Variants in SPAG16 observed in about 807,000 individuals in gnomAD.
SPAG16 encodes the protein sperm-associated antigen 16 protein.
In SPAG16, 86 loss-of-function variants were observed where a neutral mutation model predicts 80.4. That is an observed-to-expected ratio of 1.07 (90% confidence interval 0.90 to 1.28). SPAG16 has a LOEUF of 1.28. Among genes scored for constraint, SPAG16 ranks in the 50% most tolerant of loss-of-function variants. The pLI, the probability that SPAG16 is intolerant of heterozygous loss-of-function variation, is 0.00. For missense variants in SPAG16, 870 were observed against 765.3 expected (o/e 1.14, Z -1.61); for synonymous variants, 294 against 265.9 (o/e 1.11, Z -1.03).
intron 15 of SPAG16, among the ~76,000 whole-genome samples, chr2:214,372,237 C>T (rs1438431650): frequency 3.3e-5 from 5 of 152,102 alleles, no homozygotes. Context: ...TATTATGTTT[C>T]GTCTCTATTA....
At chr2:214,054,395 A>G (rs188582160) in intron 13 of SPAG16, among the ~76,000 whole-genome samples, 3 of 152,346 alleles carry the variant, frequency 2.0e-5, no homozygotes, top group Admixed American at 2.0e-4. Flanking sequence ...GAGAGCGTTC[A>G]TAATTCAAGC....
At chr2:213,515,519 A>G (rs1559210628) in intron 10 of SPAG16, among the ~76,000 whole-genome samples, 1 of 152,158 alleles carries the variant, frequency 6.6e-6, no homozygotes, top group African/African-American at 2.4e-5. Context: ...GTGAGTAAAA[A>G]ATGTTTTTGA....
At chr2:213,298,465 C>G (rs531112678) in intron 3 of SPAG16, among the ~76,000 whole-genome samples, 3 of 152,134 alleles carry the variant, frequency 2.0e-5, no homozygotes, top group African/African-American at 7.2e-5. Flanking sequence ...TTGACAAATT[C>G]TTTATGTACC....
intron 8 of SPAG16, among the ~76,000 whole-genome samples, chr2:213,370,379 G>C (rs1275586323): frequency 6.6e-6 from 1 of 152,080 alleles, no homozygotes; most frequent in Non-Finnish European, 1.5e-5. Context: ...AATTTTCTCT[G>C]TGTTATGTGA....
intron 10 of SPAG16, among the ~76,000 whole-genome samples, chr2:213,771,007 T>A (rs1239397236): frequency 2.0e-5 from 3 of 152,170 alleles, no homozygotes. Flanking sequence ...TCAAATGGTT[T>A]TTCTGGTTCT....
chr2:214,071,335 A>G (rs574812867), intron 13 of SPAG16, among the ~76,000 whole-genome samples: 1 of 152,274 alleles, frequency 6.6e-6, no homozygotes, highest in African/African-American at 2.4e-5. Context: ...CACATTAAAT[A>G]CAAGTATAGT....
chr2:213,366,066 C>T (rs1197664081), intron 8 of SPAG16, among the ~76,000 whole-genome samples: 23 of 145,590 alleles, frequency 1.6e-4, no homozygotes, highest in Admixed American at 8.3e-4. Context: ...GGTGTGAACC[C>T]GGGAGGCGGA....
chr2:214,119,172 A>G (rs1428801063), intron 14 of SPAG16, among the ~76,000 whole-genome samples: 1 of 152,198 alleles, frequency 6.6e-6, no homozygotes, highest in East Asian at 1.9e-4. Flanking sequence ...CAATATTTAT[A>G]TATGGCCCTG....
chr2:214,027,802 A>G (rs1488029017), intron 13 of SPAG16, among the ~76,000 whole-genome samples: 1 of 151,824 alleles, frequency 6.6e-6, no homozygotes, highest in East Asian at 1.9e-4. Context: ...TTGACACAGG[A>G]TTTTGGACAG....
At chr2:213,392,782 G>C (rs2125302099) in intron 9 of SPAG16, among the ~76,000 whole-genome samples, 1 of 152,012 alleles carries the variant, frequency 6.6e-6, no homozygotes, top group South Asian at 2.1e-4. Flanking sequence ...GGAGGCAGAG[G>C]CTGCAGTGAG....
At chr2:214,096,255 A>T (rs903753972) in intron 13 of SPAG16, among the ~76,000 whole-genome samples, 3 of 150,098 alleles carry the variant, frequency 2.0e-5, no homozygotes. Context: ...GTAGTTTTAC[A>T]TAGAGAGGTT....
chr2:214,132,353 A>G (rs991026843), intron 14 of SPAG16, among the ~76,000 whole-genome samples: 5 of 152,234 alleles, frequency 3.3e-5, no homozygotes, highest in African/African-American at 1.2e-4. Flanking sequence ...AAAATGTCCA[A>G]TGTGATAGGT....
At chr2:214,198,675 T>A (rs1292615479) in intron 15 of SPAG16, among the ~76,000 whole-genome samples, 3 of 152,074 alleles carry the variant, frequency 2.0e-5, no homozygotes, top group Non-Finnish European at 4.4e-5. Context: ...GGAGGCTCTA[T>A]ACTGTTTTCC....
intron 10 of SPAG16, among the ~76,000 whole-genome samples, chr2:213,654,126 G>A (rs7580818): frequency 0.41 from 62,777 of 151,878 alleles, 13,547 homozygotes; most frequent in Middle Eastern, 0.52. Context: ...TACTAAATCA[G>A]TAATGGAGTA....
chr2:213,712,123 G>A (rs1269383385), intron 10 of SPAG16, among the ~76,000 whole-genome samples: 1 of 151,966 alleles, frequency 6.6e-6, no homozygotes, highest in Non-Finnish European at 1.5e-5. Context: ...ATATGGCCAT[G>A]GATGTATATT....
intron 10 of SPAG16, among the ~76,000 whole-genome samples, chr2:213,737,026 A>G (rs1236584665): frequency 1.3e-5 from 2 of 152,164 alleles, no homozygotes; most frequent in East Asian, 1.9e-4. Flanking sequence ...GATCTTTTCA[A>G]CTAACTCATG....
chr2:213,673,724 CT>C (rs2063914854), intron 10 of SPAG16, among the ~76,000 whole-genome samples: 1 of 152,100 alleles, frequency 6.6e-6, no homozygotes, highest in South Asian at 2.1e-4. Context: ...GTAATAGTTA[CT>C]TTATACATTT....
At chr2:213,472,684 G>T (rs2073147199) in intron 9 of SPAG16, among the ~76,000 whole-genome samples, 1 of 152,106 alleles carries the variant, frequency 6.6e-6, no homozygotes, top group South Asian at 2.1e-4. Context: ...ATGTGTTCTA[G>T]CACTGGAGGA....
chr2:213,348,978 C>T (rs2065173112), intron 6 of SPAG16, among the ~76,000 whole-genome samples: 1 of 152,154 alleles, frequency 6.6e-6, no homozygotes, highest in African/African-American at 2.4e-5. Flanking sequence ...TAAAACAAGT[C>T]TCTATACATT....
Sources: gnomAD v4.1 joint callset for allele counts (sites outside exome capture counted in the v4.1 genomes callset) on GRCh38, gnomAD v4.1.1 for gene constraint, MANE v1.5 for transcripts, NCBI Gene and HGNC (gene_info 2026-07-23, HGNC 2026-07-21) for gene names.